The following AHI1 variants were observed in gnomAD, a reference collection of about 807,000 sequenced individuals.
The protein encoded by AHI1 is jouberin.
AHI1 carries 123 observed loss-of-function variants against 149.3 expected under a neutral mutation model. The observed-to-expected ratio is 0.82, with a 90% CI of 0.71 to 0.96. The LOEUF is 0.96. Ranked by LOEUF, AHI1 falls within the 40% of genes least tolerant of loss-of-function variation. The probability of loss-of-function intolerance (pLI) is 0.00; values close to 1 mark genes in which losing one functional copy is unlikely to be tolerated. For synonymous variants in AHI1, 475 were observed against 459.8 expected (o/e 1.03, Z -0.42); for missense variants, 1,439 against 1,422.7 (o/e 1.01, Z -0.18).
chr6:135,420,937 A>C (rs989496738), intron 20 of AHI1, among the ~76,000 whole-genome samples: 6 of 152,114 alleles, frequency 3.9e-5, no homozygotes, highest in Non-Finnish European at 7.3e-5. Flanking sequence ...CTTTTTATTT[A>C]TAATGAGAAA....
rs796128518 is a variant in AHI1, at chr6:135,372,376, C to T, written c.3110-14189G>A. ...TTAAACCAAAACAAACAAAAAACAA[C>T]TATTAAGATTTCTTGCCAGGTGCAG... is the stretch of plus-strand genomic sequence containing the variant. On this transcript the variant is annotated intron_variant, in intron 23 of 28. Transcript: ENST00000265602. Among the ~76,000 whole-genome samples the T allele has an allele frequency of 8.5e-5, 13 of 152,098 alleles. No homozygotes were observed. The East Asian group carries it at 2.1e-3, about 25-fold the overall frequency.
intron 22 of AHI1, 71 bp downstream of exon 22, chr6:135,404,880 T>C (rs1039889587): frequency 7.3e-7 from 1 of 1,368,504 alleles, no homozygotes; most frequent in Non-Finnish European, 1.0e-6. Context: ...ACTCTATGAA[T>C]GGTGCATTCC....
intron 23 of AHI1, among the ~76,000 whole-genome samples, chr6:135,389,121 T>C (rs918480713): frequency 1.3e-5 from 2 of 151,492 alleles, no homozygotes; most frequent in South Asian, 4.2e-4. Context: ...CCATCCTGGC[T>C]AACATGGTGA....
chr6:135,410,011 C>A (rs1781359002), intron 21 of AHI1, among the ~76,000 whole-genome samples: 1 of 152,156 alleles, frequency 6.6e-6, no homozygotes, highest in Non-Finnish European at 1.5e-5. Flanking sequence ...GTATCAGACA[C>A]CCTGTTAAGA....
chr6:135,414,428 A>C (rs1037510568), intron 20 of AHI1, among the ~76,000 whole-genome samples: 2 of 152,180 alleles, frequency 1.3e-5, no homozygotes, highest in African/African-American at 4.8e-5. Flanking sequence ...ATAAAAGAAC[A>C]AGCTGATAAT....
intron 27 of AHI1, among the ~76,000 whole-genome samples, chr6:135,300,281 T>C (rs1178796607): frequency 3.4e-5 from 5 of 145,272 alleles, no homozygotes; most frequent in Non-Finnish European, 7.4e-5. Context: ...GCTGAGATTG[T>C]GCCACGGCAC....
chr6:135,326,963 G>C (rs1180403168), intron 24 of AHI1, among the ~76,000 whole-genome samples: 1 of 152,102 alleles, frequency 6.6e-6, no homozygotes, highest in Non-Finnish European at 1.5e-5. Flanking sequence ...GTGTAGCTTA[G>C]CTCCTACTTT....
chr6:135,474,101 AGG>A (rs1345514977), intron 5 of AHI1, among the ~76,000 whole-genome samples: 1 of 152,224 alleles, frequency 6.6e-6, no homozygotes. Context: ...AGCACACTTA[AGG>A]TAGGCTAGGA....
At chr6:135,313,265 G>GA (rs1424052158) in intron 26 of AHI1, among the ~76,000 whole-genome samples, 1 of 152,120 alleles carries the variant, frequency 6.6e-6, no homozygotes, top group East Asian at 1.9e-4. Context: ...ATTCCTAAGA[G>GA]AAAAAAATAT....
intron 22 of AHI1, among the ~76,000 whole-genome samples, chr6:135,396,013 T>C (rs923583550): frequency 2.0e-5 from 3 of 151,780 alleles, no homozygotes; most frequent in Non-Finnish European, 3.0e-5. Context: ...TTTTTTTTTC[T>C]ATTTTTTGCT....
rs995207087 is a variant in AHI1, at chr6:135,394,806, T to G, written c.3079A>C (p.Ile1027Leu). 1 of 1,610,012 alleles carries G rather than the reference T, an allele frequency of 6.2e-7. No homozygotes were observed. Among genetic ancestry groups the G allele is most frequent in the African/African-American group, 1.3e-5 (1 of 74,952 alleles). The change falls in exon 23 of 29, where the codon ATT (isoleucine) becomes CTT (leucine). Residue 1027 changes from isoleucine (I) to leucine (L), a missense_variant. Transcript: ENST00000265602. ...KQSNMLTAQE[I>L]LHQFGFTQTG... ...TGAGTGAAACCAAACTGATGTAGAATCTCTTGAGCGGTCAGCATGTTTGAC... is the reference window on the plus strand; with the variant it reads ...TGAGTGAAACCAAACTGATGTAGAAGCTCTTGAGCGGTCAGCATGTTTGAC...
intron 24 of AHI1, among the ~76,000 whole-genome samples, chr6:135,325,619 A>G (rs1189003036): frequency 6.6e-6 from 1 of 152,230 alleles, no homozygotes; most frequent in Non-Finnish European, 1.5e-5. Flanking sequence ...TCTAAAGTCA[A>G]GTAAACTAGT....
chr6:135,497,241 G>A lies in AHI1; in HGVS notation c.-193C>T, dbSNP rs1796094299. The A allele has an allele frequency of 6.6e-6, 1 of 152,140 alleles. No homozygotes were observed. Among genetic ancestry groups the A allele is most frequent in the African/African-American group, 2.4e-5 (1 of 41,370 alleles). The allele number at this position is 152,140 out of a possible 1,614,324, so 9.4% of individuals were successfully genotyped here. A position where few individuals can be genotyped will look rare whatever the true frequency, so the allele number is the denominator to read the frequency against. The stretch of plus-strand genomic sequence containing the variant: ...TGACAGGTTGAAGATTCAGCCCCAG[G>A]TTGACACTCTAAAAGGAAATAAACA... On this transcript the variant is annotated 5_prime_UTR_variant, in exon 2 of 29. Transcript: ENST00000265602.
intron 8 of AHI1, among the ~76,000 whole-genome samples, chr6:135,460,105 C>T (rs576942455): frequency 9.9e-5 from 15 of 152,192 alleles, no homozygotes; most frequent in African/African-American, 1.4e-4. Flanking sequence ...ATCGCTTGAA[C>T]CTGGGAAGTA....
chr6:135,386,980 T>A (rs971097190), intron 23 of AHI1, among the ~76,000 whole-genome samples: 2 of 152,090 alleles, frequency 1.3e-5, no homozygotes, highest in Admixed American at 1.3e-4. Flanking sequence ...ACCTCCAGGC[T>A]CAAGTGATCC....
At chr6:135,363,866 G>A (rs1364156219) in intron 23 of AHI1, among the ~76,000 whole-genome samples, 1,098 of 95,286 alleles carry the variant, frequency 0.012, 1 homozygote, top group East Asian at 0.058. Context: ...CTCACCCCCC[G>A]GACGGGGCGG....
chr6:135,367,260 T>C (rs946312573), intron 23 of AHI1, among the ~76,000 whole-genome samples: 3 of 152,180 alleles, frequency 2.0e-5, no homozygotes, highest in Non-Finnish European at 2.9e-5. Context: ...CCTTTATAGG[T>C]TACCTGATGC....
chr6:135,326,624 C>A (rs1224904013), intron 24 of AHI1, among the ~76,000 whole-genome samples: 1 of 151,720 alleles, frequency 6.6e-6, no homozygotes, highest in African/African-American at 2.4e-5. Context: ...GCAGTGGCGC[C>A]ATCTCGGCTC....
intron 15 of AHI1, among the ~76,000 whole-genome samples, chr6:135,433,559 C>A (rs1784959391): frequency 6.6e-6 from 1 of 152,034 alleles, no homozygotes; most frequent in South Asian, 2.1e-4. Context: ...GTTAAACACA[C>A]ATTGAACAGT....
Sources: gnomAD v4.1 joint callset for allele counts (sites outside exome capture counted in the v4.1 genomes callset) on GRCh38, gnomAD v4.1.1 for gene constraint, MANE v1.5 for transcripts, NCBI Gene and HGNC (gene_info 2026-07-23, HGNC 2026-07-21) for gene names.